AGBL4: variants seen among roughly 807,000 people sequenced by gnomAD.
AGBL4 encodes AGBL carboxypeptidase 4.
Under a neutral mutation model 66.4 loss-of-function variants are expected in AGBL4, and 58 were observed. The observed-to-expected ratio is 0.87, with a 90% CI of 0.71 to 1.09. The LOEUF (loss-of-function observed/expected upper bound fraction) is 1.09, where lower values mean the gene tolerates loss of function less well. AGBL4 is among the 50% of genes least tolerant of loss of function. The pLI is 0.00. For synonymous variants in AGBL4, 234 were observed against 222.9 expected (o/e 1.05, Z -0.44); for missense variants, 579 against 631.0 (o/e 0.92, Z 0.88).
chr1:48,918,930 T>C (rs900720743), intron 5 of AGBL4, among the ~76,000 whole-genome samples: 1 of 152,100 alleles, frequency 6.6e-6, no homozygotes, highest in African/African-American at 2.4e-5. Flanking sequence ...TCTCCCCAAG[T>C]CCCCTTCTCT....
chr1:49,956,017 T>C (rs1199802728), intron 1 of AGBL4, among the ~76,000 whole-genome samples: 2 of 151,958 alleles, frequency 1.3e-5, no homozygotes, highest in Non-Finnish European at 2.9e-5. Context: ...TAATTTACTG[T>C]GTAGTTTGTC....
intron 1 of AGBL4, among the ~76,000 whole-genome samples, chr1:49,866,790 A>T (rs2148101064): frequency 6.6e-6 from 1 of 151,722 alleles, no homozygotes. Context: ...CTTTCCAACC[A>T]AGAATTTCTT....
At chr1:49,607,453 A>C (rs1446110121) in intron 3 of AGBL4, among the ~76,000 whole-genome samples, 2 of 152,122 alleles carry the variant, frequency 1.3e-5, no homozygotes, top group African/African-American at 4.8e-5. Context: ...CATATTCATC[A>C]ATATTCCTTT....
At chr1:48,645,927 T>C (rs1244345727) in intron 8 of AGBL4, among the ~76,000 whole-genome samples, 1 of 152,134 alleles carries the variant, frequency 6.6e-6, no homozygotes, top group Non-Finnish European at 1.5e-5. Context: ...TTGGGGATGT[T>C]TGGCCTGGAG....
At chr1:48,828,141 A>AGCC (rs1235652679) in intron 6 of AGBL4, among the ~76,000 whole-genome samples, 1 of 150,756 alleles carries the variant, frequency 6.6e-6, no homozygotes, top group African/African-American at 2.4e-5. Flanking sequence ...GGTTGCAGTG[A>AGCC]GCCAAGATTG....
Position 50,023,835 on chromosome 1 carries a change from G to C in AGBL4, c.-39C>G, listed in dbSNP as rs1266385562. 89 of 1,544,994 alleles carry C rather than the reference G, an allele frequency of 5.8e-5. No individual in the cohort carries two copies. Among genetic ancestry groups the C allele is most frequent in the Non-Finnish European group, 7.3e-5 (83 of 1,144,152 alleles). ...CAGTCTCCGAGCTCACGCGAAGACC[G>C]CGGGGCAGTAGGGAGCGGGTGGTGG... On this transcript the variant is annotated 5_prime_UTR_variant, in exon 1 of 14. Transcript: ENST00000371839.
intron 1 of AGBL4, among the ~76,000 whole-genome samples, chr1:49,893,854 G>T (rs1463654788): frequency 6.6e-6 from 1 of 152,170 alleles, no homozygotes; most frequent in African/African-American, 2.4e-5. Flanking sequence ...TGATTATACA[G>T]CCCTAGGGCT....
intron 3 of AGBL4, among the ~76,000 whole-genome samples, chr1:49,368,174 G>A (rs760192515): frequency 2.0e-5 from 3 of 151,968 alleles, no homozygotes; most frequent in Non-Finnish European, 4.4e-5. Flanking sequence ...TAGACACTGG[G>A]GTTGTTTCCA....
Position 49,265,969 on chromosome 1 carries a change from G to A in AGBL4, c.283-20105C>T, listed in dbSNP as rs78171198. 4.0e-3 allele frequency among the ~76,000 whole-genome samples: 605 copies of A among 152,238 alleles called. 1 individual carries two copies. The highest frequency in any genetic ancestry group is 0.014 in the African/African-American group (563 of 41,562). Reference sequence around the variant, plus strand: ...TTGCCACCTAAAGTCTTCAAAAAATGCTGAACAATCCTGGGCCTCATATAT... The same window carrying A: ...TTGCCACCTAAAGTCTTCAAAAAATACTGAACAATCCTGGGCCTCATATAT... On this transcript the variant is annotated intron_variant, in intron 3 of 13. Transcript: ENST00000371839.
chr1:49,923,759 A>G (rs1425986869), intron 1 of AGBL4, among the ~76,000 whole-genome samples: 4 of 152,224 alleles, frequency 2.6e-5, no homozygotes, highest in South Asian at 4.1e-4. Flanking sequence ...CAAAACCACA[A>G]TGAGATACCA....
intron 6 of AGBL4, among the ~76,000 whole-genome samples, chr1:48,726,297 G>C (rs527275022): frequency 2.0e-5 from 3 of 152,244 alleles, no homozygotes; most frequent in African/African-American, 7.2e-5. Context: ...CTGGGTGTTA[G>C]TGTCTTTGTT....
chr1:49,244,774 T>G (rs1651507690), intron 4 of AGBL4, among the ~76,000 whole-genome samples: 1 of 151,842 alleles, frequency 6.6e-6, no homozygotes, highest in African/African-American at 2.4e-5. Context: ...AAACTTTACA[T>G]GTAAATTCTC....
At position 49,671,627 on chromosome 1, in the gene AGBL4, C is replaced by T. The variant is rs752154587; in HGVS notation, c.282+25686G>A. Among the ~76,000 whole-genome samples the T allele has an allele frequency of 4.4e-4, 67 of 151,962 alleles. 1 individual carries two copies. The highest frequency in any genetic ancestry group is 1.2e-3 in the Admixed American group (18 of 15,234). On this transcript the variant is annotated intron_variant, in intron 3 of 13. Coordinates refer to ENST00000371839, the MANE Select transcript of AGBL4 (RefSeq NM_032785.4). The stretch of plus-strand genomic sequence containing the variant: ...ATCCAGCATCTAAAAAGAACTTAAA[C>T]AAATTTACAAGAGAAAATAAAACAA...
intron 4 of AGBL4, among the ~76,000 whole-genome samples, chr1:49,239,707 A>G (rs1194929520): frequency 2.0e-5 from 3 of 152,158 alleles, no homozygotes; most frequent in African/African-American, 7.2e-5. Flanking sequence ...GAATTAATTT[A>G]TAAATAGACA....
At chr1:49,963,210 A>T (rs1353463927) in intron 1 of AGBL4, among the ~76,000 whole-genome samples, 1 of 152,186 alleles carries the variant, frequency 6.6e-6, no homozygotes, top group Non-Finnish European at 1.5e-5. Context: ...AAATACAGAG[A>T]AGGAGAATCC....
At chr1:49,674,104 G>A (rs910029820) in intron 3 of AGBL4, among the ~76,000 whole-genome samples, 8 of 151,800 alleles carry the variant, frequency 5.3e-5, no homozygotes, top group Non-Finnish European at 8.8e-5. Context: ...TTAATAGGTC[G>A]GAAAAAAAGG....
chr1:48,657,347 G>C (rs1364494355), intron 7 of AGBL4, among the ~76,000 whole-genome samples: 2 of 152,176 alleles, frequency 1.3e-5, no homozygotes, highest in Admixed American at 1.3e-4. Flanking sequence ...GGTGAACAAG[G>C]ATTTGCTGTT....
At chr1:48,933,874 T>C (rs1655239291) in intron 5 of AGBL4, among the ~76,000 whole-genome samples, 2 of 152,232 alleles carry the variant, frequency 1.3e-5, no homozygotes, top group South Asian at 4.1e-4. Flanking sequence ...AGTTGGACTT[T>C]CTTTGCTTAA....
At chr1:48,604,031 G>C (rs1645115922) in intron 9 of AGBL4, among the ~76,000 whole-genome samples, 1 of 152,168 alleles carries the variant, frequency 6.6e-6, no homozygotes, top group Non-Finnish European at 1.5e-5. Flanking sequence ...AACCTGGGAG[G>C]CTGAGGCACG....
Sources: allele counts gnomAD v4.1 joint callset (sites outside exome capture counted in the v4.1 genomes callset), GRCh38; gene constraint gnomAD v4.1.1; transcripts MANE v1.5; gene names NCBI Gene and HGNC (gene_info 2026-07-23, HGNC 2026-07-21).